Variants in XIRP2 observed in about 807,000 individuals in gnomAD.
The protein encoded by XIRP2 is xin actin-binding repeat-containing protein 2.
In XIRP2, 236 loss-of-function variants were observed where a neutral mutation model predicts 277.0. The ratio of observed to expected loss-of-function variants is 0.85; its 90% CI spans 0.77 to 0.95. XIRP2 has a LOEUF of 0.95. XIRP2 is among the 40% of genes least tolerant of loss of function. The pLI, the probability that XIRP2 is intolerant of heterozygous loss-of-function variation, is 0.00. For missense variants in XIRP2, 4,640 were observed against 4,157.5 expected, an observed-to-expected ratio of 1.12 and a Z score of -3.19; for synonymous variants, 1,490 against 1,416.5, an observed-to-expected ratio of 1.05 and a Z score of -1.17.
In XIRP2 at chr2:167,030,473, CCAGTAGTCATT is replaced by C. The variant is rs1688312711; in HGVS notation, c.409-105432_409-105422del. Among the ~76,000 whole-genome samples, 3 of 152,018 alleles carry C rather than the reference CCAGTAGTCATT, an allele frequency of 2.0e-5. No individual in the cohort carries two copies. In the South Asian group the frequency reaches 6.2e-4, roughly 32 times the overall value. ...TTTCTGCCTTAATTTTGTTATGTAC[CCAGTAGTCATT>C]CAGGAGCAGGTTGTTCAGTTTCCAT... is the stretch of plus-strand genomic sequence containing the variant. On this transcript the variant is annotated intron_variant, in intron 2 of 10. Transcript: ENST00000409195.
intron 3 of XIRP2, among the ~76,000 whole-genome samples, chr2:167,202,953 T>C (rs1330979401): frequency 2.0e-5 from 3 of 152,156 alleles, no homozygotes; most frequent in East Asian, 3.9e-4. Flanking sequence ...CTTATTCCCA[T>C]CTTCGAAGCC....
At chr2:166,948,815 G>C (rs964290522) in intron 2 of XIRP2, among the ~76,000 whole-genome samples, 2 of 152,118 alleles carry the variant, frequency 1.3e-5, no homozygotes, top group African/African-American at 4.8e-5. Flanking sequence ...CCAACAGAAA[G>C]ACAAGAGAGC....
chr2:167,232,318 A>G (rs1220879928), intron 5 of XIRP2, among the ~76,000 whole-genome samples: 2 of 151,976 alleles, frequency 1.3e-5, no homozygotes, highest in Non-Finnish European at 2.9e-5. Context: ...CTCTCTGGCT[A>G]TATCTCTACA....
intron 2 of XIRP2, among the ~76,000 whole-genome samples, chr2:166,968,984 C>G (rs969583694): frequency 3.3e-5 from 5 of 151,874 alleles, no homozygotes; most frequent in Non-Finnish European, 7.4e-5. Context: ...AACAGAAAAG[C>G]CTGAGGCCAA....
At chr2:167,207,076 A>G (rs1157245154) in intron 3 of XIRP2, among the ~76,000 whole-genome samples, 1 of 152,132 alleles carries the variant, frequency 6.6e-6, no homozygotes, top group African/African-American at 2.4e-5. Context: ...CCAAATTGTA[A>G]CTCTATGAAA....
intron 3 of XIRP2, among the ~76,000 whole-genome samples, chr2:167,203,727 A>C (rs373086869): frequency 1.7e-4 from 26 of 152,364 alleles, no homozygotes; most frequent in African/African-American, 6.3e-4. Context: ...AATTGATTAC[A>C]AATTTTACTT....
intron 5 of XIRP2, among the ~76,000 whole-genome samples, chr2:167,220,674 C>T (rs1694396284): frequency 1.3e-5 from 2 of 152,128 alleles, no homozygotes; most frequent in Non-Finnish European, 2.9e-5. Context: ...CTTATAGCAT[C>T]TTGTTGGCTC....
intron 3 of XIRP2, among the ~76,000 whole-genome samples, chr2:167,199,238 T>A (rs1693609162): frequency 6.6e-6 from 1 of 152,180 alleles, no homozygotes; most frequent in African/African-American, 2.4e-5. Context: ...TCCTACAGAA[T>A]GCTTTTAGCA....
At chr2:167,220,092 T>C (rs1034816631) in intron 5 of XIRP2, among the ~76,000 whole-genome samples, 2 of 152,194 alleles carry the variant, frequency 1.3e-5, no homozygotes, top group Non-Finnish European at 2.9e-5. Context: ...ACTATCTTGC[T>C]AACAGCTTGA....
chr2:166,976,825 T>C (rs1686729500), intron 2 of XIRP2, among the ~76,000 whole-genome samples: 1 of 152,206 alleles, frequency 6.6e-6, no homozygotes, highest in South Asian at 2.1e-4. Context: ...GGCTCTCCAT[T>C]TCCTCCAAGA....
chr2:167,065,619 CT>C, intron 2 of XIRP2, among the ~76,000 whole-genome samples: 1 of 151,810 alleles, frequency 6.6e-6, no homozygotes, highest in African/African-American at 2.4e-5. Context: ...GTAAAATATC[CT>C]TTAAAAACGT....
intron 2 of XIRP2, among the ~76,000 whole-genome samples, chr2:167,044,486 T>C (rs1453241203): frequency 1.3e-5 from 2 of 152,030 alleles, no homozygotes; most frequent in Non-Finnish European, 2.9e-5. Context: ...TCAAACTGTC[T>C]CTCATCACAG....
chr2:167,250,066 A>C lies in XIRP2; in HGVS notation c.8674A>C (p.Ser2892Arg), dbSNP rs1450413490. The C allele has an allele frequency of 4.3e-6, 7 of 1,613,538 alleles. No individual in the cohort carries two copies. Among genetic ancestry groups the C allele is most frequent in the Non-Finnish European group, 5.9e-6 (7 of 1,179,712 alleles). ...TAAAAAATTGCCCCAGCCATATAAT[A>C]GTCTGCAGGAAGAAAAATGTCTCGA... The part of the protein sequence containing the change: ...EHKKLPQPYN[S>R]LQEEKCLEVK... The change falls in exon 9 of 11, where the codon AGT becomes CGT. Residue 2892 changes from serine (S) to arginine (R), a missense_variant. Coordinates refer to ENST00000409195, the MANE Select transcript of XIRP2 (RefSeq NM_152381.6).
At chr2:166,923,572 G>A (rs1558917546) in intron 2 of XIRP2, among the ~76,000 whole-genome samples, 1 of 151,996 alleles carries the variant, frequency 6.6e-6, no homozygotes, top group African/African-American at 2.4e-5. Context: ...GACTGAAGTA[G>A]AAAGATAAGA....
chr2:167,102,032 A>C (rs1010772684), intron 2 of XIRP2, among the ~76,000 whole-genome samples: 1 of 152,226 alleles, frequency 6.6e-6, no homozygotes, highest in African/African-American at 2.4e-5. Flanking sequence ...ATGAGAACTC[A>C]TTTGAGCAAG....
intron 3 of XIRP2, among the ~76,000 whole-genome samples, chr2:167,208,370 G>T (rs1192689464): frequency 6.6e-6 from 1 of 152,058 alleles, no homozygotes. Flanking sequence ...GCGGTGGCGC[G>T]ATCTTGGCTT....
intron 2 of XIRP2, among the ~76,000 whole-genome samples, chr2:166,914,226 G>A (rs781474462): frequency 3.3e-5 from 5 of 152,160 alleles, no homozygotes; most frequent in African/African-American, 7.2e-5. Context: ...ACTGGAAAAC[G>A]CAAGGAAATG....
At chr2:167,149,747 A>C (rs1324921003) in intron 3 of XIRP2, among the ~76,000 whole-genome samples, 1 of 152,108 alleles carries the variant, frequency 6.6e-6, no homozygotes, top group Admixed American at 6.5e-5. Context: ...TGAAATGAAA[A>C]AGAGAAAGAA....
chr2:167,253,917 T>C, intron 9 of XIRP2, 115 bp from the exon 10 acceptor site: 2 of 1,215,458 alleles, frequency 1.6e-6, no homozygotes, highest in Non-Finnish European at 2.3e-6. Context: ...ACAGTAGTCT[T>C]AGAGCTTTTC....
Sources: allele counts gnomAD v4.1 joint callset (sites outside exome capture counted in the v4.1 genomes callset), GRCh38; gene constraint gnomAD v4.1.1; transcripts MANE v1.5; gene names NCBI Gene and HGNC (gene_info 2026-07-23, HGNC 2026-07-21).